Variants in PDE7B observed in about 807,000 individuals in gnomAD.
The protein encoded by PDE7B is phosphodiesterase 7B, also known as 3',5'-cyclic-AMP phosphodiesterase 7B.
In PDE7B, 29 loss-of-function variants were observed where a neutral mutation model predicts 56.2. The ratio of observed to expected loss-of-function variants is 0.52; its 90% CI spans 0.38 to 0.70. The LOEUF (loss-of-function observed/expected upper bound fraction) is 0.70. Ranked by LOEUF, PDE7B falls within the 30% of genes least tolerant of loss-of-function variation. The pLI, the probability that PDE7B is intolerant of heterozygous loss-of-function variation, is 0.00. For synonymous variants in PDE7B, 197 were observed against 196.9 expected, an observed-to-expected ratio of 1.00 and a Z score of 0.00; for missense variants, 490 against 565.0, an observed-to-expected ratio of 0.87 and a Z score of 1.35.
At chr6:135,933,227 G>A (rs1312780529) in intron 1 of PDE7B, among the ~76,000 whole-genome samples, 1 of 152,184 alleles carries the variant, frequency 6.6e-6, no homozygotes, top group Non-Finnish European at 1.5e-5. Context: ...TATGTCATAT[G>A]TATCTGTGTA....
chr6:136,187,279 T>C (rs1779158667), intron 12 of PDE7B, among the ~76,000 whole-genome samples, 163 bp downstream of exon 12: 1 of 152,244 alleles, frequency 6.6e-6, no homozygotes, highest in Non-Finnish European at 1.5e-5. Context: ...TCATGACTAA[T>C]CTACTAGCTA....
At chr6:135,863,458 T>A (rs1429985760) in intron 1 of PDE7B, among the ~76,000 whole-genome samples, 1 of 152,036 alleles carries the variant, frequency 6.6e-6, no homozygotes, top group Admixed American at 6.6e-5. Flanking sequence ...CCCTTAGACA[T>A]CATAATGGTT....
At chr6:136,124,674 A>G (rs1777991588) in intron 3 of PDE7B, among the ~76,000 whole-genome samples, 2 of 152,248 alleles carry the variant, frequency 1.3e-5, no homozygotes, top group African/African-American at 4.8e-5. Context: ...TATTTTGTTC[A>G]TTGCTATATC....
chr6:135,979,740 A>T, intron 2 of PDE7B, among the ~76,000 whole-genome samples: 1 of 152,154 alleles, frequency 6.6e-6, no homozygotes, highest in Non-Finnish European at 1.5e-5. Flanking sequence ...CTTACAAGGG[A>T]TGTGAAGGAC....
intron 2 of PDE7B, among the ~76,000 whole-genome samples, chr6:136,086,970 G>A (rs932374896): frequency 5.9e-5 from 9 of 152,138 alleles, no homozygotes; most frequent in East Asian, 1.9e-4. Flanking sequence ...GGGAGAGAGC[G>A]CCTTCACAAG....
chr6:136,086,389 G>A (rs1464014350), intron 2 of PDE7B, among the ~76,000 whole-genome samples: 1 of 151,882 alleles, frequency 6.6e-6, no homozygotes, highest in African/African-American at 2.4e-5. Context: ...TTTAAGGAGT[G>A]GAAAATAGGC....
At chr6:135,852,096 T>G in intron 1 of PDE7B, 77 bp downstream of exon 1, 1 of 975,660 alleles carries the variant, frequency 1.0e-6, no homozygotes, top group Non-Finnish European at 1.7e-6. Context: ...AGGATTTTTA[T>G]TTAAAATGAA....
intron 8 of PDE7B, among the ~76,000 whole-genome samples, chr6:136,166,652 G>A (rs1191800227): frequency 3.3e-5 from 5 of 152,046 alleles, no homozygotes; most frequent in African/African-American, 9.7e-5. Flanking sequence ...AGGGGATGGT[G>A]CCAAATCATT....
chr6:136,000,004 G>A (rs1017574847), intron 2 of PDE7B, among the ~76,000 whole-genome samples: 9 of 152,074 alleles, frequency 5.9e-5, no homozygotes, highest in African/African-American at 1.2e-4. Context: ...TTGCATTTCT[G>A]TAATGATCAG....
At chr6:135,872,467 G>A (rs1488274977) in intron 1 of PDE7B, among the ~76,000 whole-genome samples, 2 of 152,114 alleles carry the variant, frequency 1.3e-5, no homozygotes, top group Non-Finnish European at 2.9e-5. Flanking sequence ...ATATATTTGA[G>A]CTTTGCAGTT....
intron 2 of PDE7B, among the ~76,000 whole-genome samples, chr6:135,957,940 C>T (rs1774826820): frequency 6.6e-6 from 1 of 152,040 alleles, no homozygotes. Context: ...CACATCAAAA[C>T]TGCCTCTTCC....
chr6:136,028,101 C>T (rs573612487), intron 2 of PDE7B, among the ~76,000 whole-genome samples: 1 of 152,244 alleles, frequency 6.6e-6, no homozygotes, highest in East Asian at 1.9e-4. Context: ...GTAGGGCAGG[C>T]ACAATTCACC....
chr6:135,885,216 TTCATAAAGCCTGTTATCATGATGCC>T (rs1489418216), intron 1 of PDE7B, among the ~76,000 whole-genome samples: 4 of 152,222 alleles, frequency 2.6e-5, no homozygotes, highest in Non-Finnish European at 4.4e-5. Flanking sequence ...TTCATGATGT[TTCATAAAGCCTGTTATCATGATGCC>T]TCATAAAGCC....
chr6:136,123,266 G>A (rs1266644651), intron 3 of PDE7B, among the ~76,000 whole-genome samples: 1 of 152,140 alleles, frequency 6.6e-6, no homozygotes, highest in Non-Finnish European at 1.5e-5. Flanking sequence ...GGCTGATGTG[G>A]GAGCATTTGA....
chr6:136,034,554 C>G (rs1776295155), intron 2 of PDE7B: 1 of 152,200 alleles, frequency 6.6e-6, no homozygotes, highest in African/African-American at 2.4e-5. Flanking sequence ...AGTTTCCAGT[C>G]AGGGCATCAC....
At chr6:136,160,157 A>T (rs1289204947) in intron 8 of PDE7B, among the ~76,000 whole-genome samples, 2 of 152,202 alleles carry the variant, frequency 1.3e-5, no homozygotes, top group Non-Finnish European at 2.9e-5. Context: ...ATTACTCTTA[A>T]AACTGCAAGT....
At chr6:135,906,814 T>TTTTTTTGTTTTTTTTTTTG (rs1776117276) in intron 1 of PDE7B, among the ~76,000 whole-genome samples, 1 of 134,458 alleles carries the variant, frequency 7.4e-6, no homozygotes, top group African/African-American at 3.3e-5. Flanking sequence ...AGGTTTGTTT[T>TTTTTTTGTTTTTTTTTTTG]TTTTTTTTTT....
intron 2 of PDE7B, chr6:136,038,364 C>G: frequency 7.7e-7 from 1 of 1,291,760 alleles, no homozygotes; most frequent in Non-Finnish European, 1.0e-6. Flanking sequence ...GGTGTGCTGC[C>G]CTCCTCCCCG....
intron 9 of PDE7B, among the ~76,000 whole-genome samples, chr6:136,178,374 A>G (rs902759339): frequency 2.2e-4 from 33 of 152,174 alleles, no homozygotes; most frequent in Admixed American, 1.6e-3. Context: ...TACTTTTTAT[A>G]TGTGAGGGAA....
Sources: gnomAD v4.1 joint callset for allele counts (sites outside exome capture counted in the v4.1 genomes callset) on GRCh38, gnomAD v4.1.1 for gene constraint, MANE v1.5 for transcripts, NCBI Gene and HGNC (gene_info 2026-07-23, HGNC 2026-07-21) for gene names.